Variants in RBFOX1 observed in about 807,000 individuals in gnomAD.
RBFOX1 encodes RNA binding fox-1 homolog 1, also known as RNA binding protein fox-1 homolog 1.
RBFOX1 carries 8 observed loss-of-function variants against 57.7 expected under a neutral mutation model. That is an observed-to-expected ratio of 0.14 (90% CI 0.08 to 0.25). The LOEUF (loss-of-function observed/expected upper bound fraction) is 0.25, where lower values mean the gene tolerates loss of function less well. Among genes scored for constraint, RBFOX1 ranks in the 10% least tolerant of loss-of-function variants. The pLI is 1.00. For missense variants in RBFOX1, 611 were observed against 548.5 expected, an observed-to-expected ratio of 1.11 and a Z score of -1.14; for synonymous variants, 326 against 222.4, an observed-to-expected ratio of 1.47 and a Z score of -4.15.
rs551585487 is a variant in RBFOX1 at position 6,114,416 on chromosome 16, G to A, written c.-127+94424G>A. ...GAAGACAATGAGAAAATTCTAGCAT[G>A]AGCATCACCTTTTTGTGTGTACGTA... On this transcript the variant is annotated intron_variant, in intron 1 of 15. Coordinates refer to ENST00000550418, the MANE Select transcript of RBFOX1 (RefSeq NM_018723.4). 1.3e-3 allele frequency among the ~76,000 whole-genome samples: 199 copies of A among 152,314 alleles called. 2 individuals carry two copies. The highest frequency in any genetic ancestry group is 4.6e-3 in the African/African-American group (190 of 41,570).
At chr16:5,685,789 G>T (rs960394735) in intron 3 of RBFOX1, among the ~76,000 whole-genome samples, 3 of 152,206 alleles carry the variant, frequency 2.0e-5, no homozygotes, top group African/African-American at 7.2e-5. Context: ...CAAGTTGGCA[G>T]ACAGAACCTA....
At chr16:6,974,172 G>A (rs1598825112) in intron 3 of RBFOX1, among the ~76,000 whole-genome samples, 1 of 152,044 alleles carries the variant, frequency 6.6e-6, no homozygotes, top group Non-Finnish European at 1.5e-5. Flanking sequence ...TATTAATCCA[G>A]TCTATCATTG....
intron 3 of RBFOX1, among the ~76,000 whole-genome samples, chr16:6,804,122 C>G (rs934210399): frequency 3.9e-5 from 6 of 151,984 alleles, no homozygotes; most frequent in Admixed American, 6.6e-5. Flanking sequence ...TTCTCCTTGC[C>G]TCAGGCATCC....
rs185735624 is a variant in RBFOX1 at position 6,020,986 on chromosome 16, G to A, written c.-127+994G>A. ...GGCTGGGAGAGCTCATCGCTCCTGTGTGGGCCAGAGCTGGGGTGCACCTGC... is the reference window on the plus strand; with the variant it reads ...GGCTGGGAGAGCTCATCGCTCCTGTATGGGCCAGAGCTGGGGTGCACCTGC... On this transcript the variant is annotated intron_variant, in intron 1 of 15. Transcript: ENST00000550418. Among the ~76,000 whole-genome samples, 318 of 152,340 alleles carry A rather than the reference G, an allele frequency of 2.1e-3. 2 individuals are homozygous for A. Among genetic ancestry groups the A allele is most frequent in the African/African-American group, 7.2e-3 (299 of 41,576 alleles).
chr16:6,864,444 G>A (rs1460425223), intron 3 of RBFOX1, among the ~76,000 whole-genome samples: 2 of 151,810 alleles, frequency 1.3e-5, no homozygotes, highest in African/African-American at 4.8e-5. Context: ...GAAAAGAAAT[G>A]ACATCATCAT....
intron 3 of RBFOX1, among the ~76,000 whole-genome samples, chr16:6,875,560 G>A (rs551998991): frequency 3.5e-4 from 54 of 152,200 alleles, no homozygotes; most frequent in Non-Finnish European, 6.3e-4. Context: ...AAGCAAGGCC[G>A]TGGTTAAGGA....
At chr16:7,169,641 C>T (rs902200063) in intron 4 of RBFOX1, among the ~76,000 whole-genome samples, 3 of 152,210 alleles carry the variant, frequency 2.0e-5, no homozygotes, top group African/African-American at 7.2e-5. Flanking sequence ...AACAGAAATT[C>T]AGAGTGAATG....
At chr16:6,935,558 G>C (rs9925878) in intron 3 of RBFOX1, among the ~76,000 whole-genome samples, 1 of 151,994 alleles carries the variant, frequency 6.6e-6, no homozygotes, top group Non-Finnish European at 1.5e-5. Context: ...TTGCAGCCAA[G>C]ATCTGTTATC....
intron 4 of RBFOX1, among the ~76,000 whole-genome samples, chr16:7,141,018 C>T (rs1336869244): frequency 3.3e-5 from 5 of 152,164 alleles, no homozygotes; most frequent in African/African-American, 7.2e-5. Context: ...AAGCCTCCTC[C>T]AGCTTTGCAG....
intron 3 of RBFOX1, among the ~76,000 whole-genome samples, chr16:6,987,237 T>C (rs1310440247): frequency 6.6e-6 from 1 of 152,160 alleles, no homozygotes; most frequent in African/African-American, 2.4e-5. Context: ...TGGCCCTGGT[T>C]ATGCACAGAT....
At chr16:6,776,857 G>C (rs369749486) in intron 3 of RBFOX1, among the ~76,000 whole-genome samples, 3 of 152,184 alleles carry the variant, frequency 2.0e-5, no homozygotes, top group Non-Finnish European at 4.4e-5. Context: ...TCGTAGCATT[G>C]TGAAATGAAC....
intron 2 of RBFOX1, among the ~76,000 whole-genome samples, chr16:6,633,724 T>C (rs2098408497): frequency 6.6e-6 from 1 of 152,162 alleles, no homozygotes; most frequent in Non-Finnish European, 1.5e-5. Context: ...GAATCGAGGC[T>C]CTAGCCAGGC....
intron 4 of RBFOX1, among the ~76,000 whole-genome samples, chr16:7,406,022 C>T (rs531715562): frequency 8.9e-4 from 136 of 152,226 alleles, no homozygotes; most frequent in African/African-American, 3.0e-3. Context: ...AGAGCATATC[C>T]CCCACAACAA....
At chr16:5,807,647 C>A (rs998843607) in intron 3 of RBFOX1, among the ~76,000 whole-genome samples, 1 of 152,144 alleles carries the variant, frequency 6.6e-6, no homozygotes, top group Non-Finnish European at 1.5e-5. Context: ...GAACAGGGAT[C>A]AATTCTGGAT....
intron 1 of RBFOX1, among the ~76,000 whole-genome samples, chr16:6,191,353 G>C (rs2097140592): frequency 6.6e-6 from 1 of 152,104 alleles, no homozygotes. Context: ...GTTGCCAGAG[G>C]AAGGGGAGGG....
intron 3 of RBFOX1, among the ~76,000 whole-genome samples, chr16:6,985,510 A>G (rs1359325255): frequency 5.3e-5 from 8 of 152,106 alleles, no homozygotes; most frequent in African/African-American, 1.2e-4. Context: ...AAAGAACACT[A>G]TGTGTGGAAA....
chr16:7,040,856 G>C (rs1312958873), intron 3 of RBFOX1, among the ~76,000 whole-genome samples: 2 of 152,126 alleles, frequency 1.3e-5, no homozygotes, highest in African/African-American at 4.8e-5. Flanking sequence ...ATGGGCCAAA[G>C]ACAGCTCACT....
intron 4 of RBFOX1, among the ~76,000 whole-genome samples, chr16:7,301,434 T>C (rs2096029296): frequency 6.6e-6 from 1 of 152,174 alleles, no homozygotes; most frequent in Admixed American, 6.5e-5. Context: ...CTTCAGTGTG[T>C]CTGACTGTGA....
At chr16:6,785,367 G>C (rs1243157851) in intron 3 of RBFOX1, among the ~76,000 whole-genome samples, 4 of 152,146 alleles carry the variant, frequency 2.6e-5, no homozygotes, top group African/African-American at 4.8e-5. Context: ...TGTGTATAGA[G>C]CTTTTAGGGA....
Sources: allele counts gnomAD v4.1 joint callset (sites outside exome capture counted in the v4.1 genomes callset), GRCh38; gene constraint gnomAD v4.1.1; transcripts MANE v1.5; gene names NCBI Gene and HGNC (gene_info 2026-07-23, HGNC 2026-07-21).